FSD1L: variants seen among roughly 807,000 people sequenced by gnomAD.
The protein encoded by FSD1L is fibronectin type III and SPRY domain containing 1 like.
In FSD1L, 45 loss-of-function variants were observed where a neutral mutation model predicts 71.6. The ratio of observed to expected loss-of-function variants is 0.63; its 90% CI spans 0.49 to 0.81. The LOEUF (loss-of-function observed/expected upper bound fraction) is 0.81, where lower values mean the gene tolerates loss of function less well. Ranked by LOEUF, FSD1L falls within the 30% of genes least tolerant of loss-of-function variation. The pLI, the probability that FSD1L is intolerant of heterozygous loss-of-function variation, is 0.00. For missense variants in FSD1L, 561 were observed against 618.1 expected, an observed-to-expected ratio of 0.91 and a Z score of 0.98; for synonymous variants, 197 against 207.2, an observed-to-expected ratio of 0.95 and a Z score of 0.42.
chr9:105,462,105 A>T (rs566862513), intron 2 of FSD1L, among the ~76,000 whole-genome samples: 3 of 152,212 alleles, frequency 2.0e-5, no homozygotes, highest in Non-Finnish European at 4.4e-5. Flanking sequence ...AAATATGTAA[A>T]TGGGAAGCTA....
intron 5 of FSD1L, 56 bp downstream of exon 5, chr9:105,472,061 C>A: frequency 1.4e-6 from 2 of 1,391,758 alleles, no homozygotes; most frequent in East Asian, 3.0e-5. Context: ...TTTAAAAAGG[C>A]GTTTTTGTTT....
intron 3 of FSD1L, 76 bp downstream of exon 3, chr9:105,464,407 A>C (rs1368889477): frequency 1.6e-6 from 1 of 616,148 alleles, no homozygotes; most frequent in Non-Finnish European, 2.8e-6. Context: ...ATACTCTATG[A>C]ATTTTGGGTT....
At chr9:105,462,803 C>T (rs890424156) in intron 2 of FSD1L, among the ~76,000 whole-genome samples, 4 of 127,256 alleles carry the variant, frequency 3.1e-5, no homozygotes, top group Non-Finnish European at 6.6e-5. Flanking sequence ...TGTGTGGTGG[C>T]ACATGCTTTT....
chr9:105,520,762 T>C (rs918356318), intron 10 of FSD1L: 129 of 1,612,780 alleles, frequency 8.0e-5, no homozygotes, highest in Admixed American at 2.0e-4. Context: ...CCTCGAACTT[T>C]AGATAATCTC....
upstream of FSD1L, among the ~76,000 whole-genome samples, chr9:105,445,480 C>T (rs1191360341): frequency 1.3e-5 from 2 of 152,102 alleles, no homozygotes; most frequent in African/African-American, 2.4e-5. Flanking sequence ...CCAAAAGCCT[C>T]TTTCTTCTTT....
chr9:105,474,667 A>G (rs1200928988), intron 5 of FSD1L, among the ~76,000 whole-genome samples: 1 of 152,240 alleles, frequency 6.6e-6, no homozygotes, highest in East Asian at 1.9e-4. Flanking sequence ...TGAATATCCC[A>G]CATTAAAGTG....
chr9:105,484,123 C>CAT (rs1832381294), intron 6 of FSD1L, among the ~76,000 whole-genome samples: 1 of 151,992 alleles, frequency 6.6e-6, no homozygotes, highest in Non-Finnish European at 1.5e-5. Flanking sequence ...TGTTGTTATT[C>CAT]ATATATATGC....
At chr9:105,515,323 C>T (rs7858616) in intron 10 of FSD1L, among the ~76,000 whole-genome samples, 18,399 of 152,028 alleles carry the variant, frequency 0.12, 1,695 homozygotes, top group African/African-American at 0.26. Flanking sequence ...TGGAGCTGAC[C>T]GTAGTTTGCC....
At chr9:105,513,650 C>A in intron 10 of FSD1L, 1 of 1,520,042 alleles carries the variant, frequency 6.6e-7, no homozygotes, top group Non-Finnish European at 8.8e-7. Flanking sequence ...CTATGTCTGT[C>A]TAGTTCTAGG....
chr9:105,489,499 T>G (rs1479803717), intron 7 of FSD1L, among the ~76,000 whole-genome samples: 1 of 151,958 alleles, frequency 6.6e-6, no homozygotes, highest in African/African-American at 2.4e-5. Context: ...CAGTTTTATG[T>G]TTTTTTATTT....
intron 4 of FSD1L, among the ~76,000 whole-genome samples, chr9:105,469,065 A>T (rs1487118742): frequency 6.6e-6 from 1 of 152,170 alleles, no homozygotes; most frequent in Non-Finnish European, 1.5e-5. Context: ...TGTCCTCAAG[A>T]TTTATTCATG....
chr9:105,539,029 G>A (rs2131510712), intron 12 of FSD1L, among the ~76,000 whole-genome samples: 1 of 152,230 alleles, frequency 6.6e-6, no homozygotes, highest in East Asian at 1.9e-4. Context: ...GTCGAATCGT[G>A]CTAGATTATA....
intron 1 of FSD1L, among the ~76,000 whole-genome samples, chr9:105,452,665 G>GCCTT (rs1314711604): frequency 0.042 from 3,601 of 84,872 alleles, 54 homozygotes; most frequent in Middle Eastern, 0.048. Flanking sequence ...CTGCCTGCCT[G>GCCTT]CCTGCCTTCC....
At chr9:105,488,457 G>T (rs1358884540) in intron 7 of FSD1L, among the ~76,000 whole-genome samples, 1 of 152,118 alleles carries the variant, frequency 6.6e-6, no homozygotes, top group Non-Finnish European at 1.5e-5. Flanking sequence ...CCAACTTTGG[G>T]CAGTTATGAA....
upstream of FSD1L, among the ~76,000 whole-genome samples, chr9:105,443,145 C>G (rs1021426412): frequency 1.3e-5 from 2 of 152,206 alleles, no homozygotes; most frequent in Admixed American, 6.5e-5. Flanking sequence ...CACATCAGGG[C>G]AGAACCATTC....
chr9:105,482,374 G>A (rs1832265088), intron 6 of FSD1L, among the ~76,000 whole-genome samples: 1 of 152,168 alleles, frequency 6.6e-6, no homozygotes, highest in Admixed American at 6.5e-5. Flanking sequence ...TTGAAAGAGA[G>A]GGGTTATGAA....
intron 3 of FSD1L, among the ~76,000 whole-genome samples, chr9:105,464,837 GGGTGT>G (rs1167646344): frequency 6.6e-6 from 1 of 151,924 alleles, no homozygotes; most frequent in African/African-American, 2.4e-5. Context: ...AAAATTAGCT[GGGTGT>G]GGTGGCATAC....
At chr9:105,474,484 A>G (rs926817924) in intron 5 of FSD1L, among the ~76,000 whole-genome samples, 9 of 152,202 alleles carry the variant, frequency 5.9e-5, no homozygotes, top group Non-Finnish European at 1.3e-4. Context: ...TAATAATTTG[A>G]TTTCAAGTAA....
intron 13 of FSD1L, among the ~76,000 whole-genome samples, chr9:105,539,599 A>G (rs1423998794): frequency 2.6e-5 from 4 of 152,098 alleles, no homozygotes; most frequent in African/African-American, 7.2e-5. Flanking sequence ...TTTTTATAGG[A>G]CTGCACTCAT....
Sources: allele counts gnomAD v4.1 joint callset (sites outside exome capture counted in the v4.1 genomes callset), GRCh38; gene constraint gnomAD v4.1.1; transcripts MANE v1.5; gene names NCBI Gene and HGNC (gene_info 2026-07-23, HGNC 2026-07-21).